The following IDH1 variants were observed in gnomAD, a reference collection of about 807,000 sequenced individuals.
IDH1 encodes isocitrate dehydrogenase [NADP] cytoplasmic.
A neutral mutation model predicts 46.1 loss-of-function variants in IDH1; 33 were observed. That is an observed-to-expected ratio of 0.72 (90% CI 0.54 to 0.96). The LOEUF (loss-of-function observed/expected upper bound fraction) is 0.96. Among genes scored for constraint, IDH1 ranks in the 40% least tolerant of loss-of-function variants. The probability of loss-of-function intolerance (pLI) is 0.00; values close to 1 mark genes in which losing one functional copy is unlikely to be tolerated. For missense variants in IDH1, 421 were observed against 515.7 expected (o/e 0.82, Z 1.78); for synonymous variants, 144 against 172.8 (o/e 0.83, Z 1.31).
intron 7 of IDH1, among the ~76,000 whole-genome samples, chr2:208,241,514 G>A (rs1385168529): frequency 6.6e-6 from 1 of 151,752 alleles, no homozygotes; most frequent in Non-Finnish European, 1.5e-5. Flanking sequence ...TTACAGGCGT[G>A]AGCCACTGTG....
intron 2 of IDH1, 128 bp from the exon 3 acceptor site, chr2:208,251,695 G>GAAT: frequency 2.8e-6 from 2 of 709,994 alleles, no homozygotes; most frequent in Non-Finnish European, 4.7e-6. Context: ...TTCAATTTAT[G>GAAT]TGTAGTTGAA....
chr2:208,251,819 A>G (rs1172231772), intron 2 of IDH1, among the ~76,000 whole-genome samples: 1 of 152,096 alleles, frequency 6.6e-6, no homozygotes, highest in Admixed American at 6.6e-5. Flanking sequence ...TAACAATCCA[A>G]AAAAATGGCC....
Position 208,255,068 on chromosome 2 carries a change from AC to A in IDH1, c.-221del, listed in dbSNP as rs1688189831. ...CGCTTCTGAAGTAGACTCTGCAGAAACCCGGGACCACAGGGTAGGTCCGAGC... is the reference window on the plus strand; with the variant it reads ...CGCTTCTGAAGTAGACTCTGCAGAAACCGGGACCACAGGGTAGGTCCGAGC... On this transcript the variant is annotated 5_prime_UTR_variant, in exon 1 of 10. Coordinates refer to ENST00000345146, the MANE Select transcript of IDH1 (RefSeq NM_005896.4). 6.6e-6 allele frequency: 1 copy of A among 151,840 alleles called. No individual in the cohort carries two copies. The highest frequency in any genetic ancestry group is 2.4e-5 in the African/African-American group (1 of 41,276). The allele number at this position is 151,840 out of a possible 1,614,324, so 9.4% of individuals were successfully genotyped here.
chr2:208,248,748 A>C (rs1228307480), intron 3 of IDH1, 88 bp from the exon 4 acceptor site: 3 of 1,272,786 alleles, frequency 2.4e-6, no homozygotes, highest in Non-Finnish European at 3.4e-6. Context: ...AGAGCTCATT[A>C]TGCAGAAAGC....
chr2:208,243,432 A>G lies in IDH1; in HGVS notation c.693T>C (p.Tyr231=). The G allele has an allele frequency of 6.2e-7, 1 of 1,609,938 alleles. No homozygotes were observed. Among genetic ancestry groups the G allele is most frequent in the Non-Finnish European group, 8.5e-7 (1 of 1,176,350 alleles). Residue 231 remains tyrosine, a synonymous_variant, in exon 6 of 10, where the codon TAT becomes TAC. Transcript: ENST00000345146. ...TAAAAAAGAACTATAGTTACTTGTC[A>G]TATATCTCCTGAAAGATGTCTTTAA... ...GRFKDIFQEI[Y]DKQYKSQFEA...
intron 4 of IDH1, among the ~76,000 whole-genome samples, chr2:208,246,891 C>T (rs1472981460): frequency 6.6e-6 from 1 of 152,084 alleles, no homozygotes; most frequent in African/African-American, 2.4e-5. Flanking sequence ...TGCAGTGAGC[C>T]AAGATCACAC....
At chr2:208,253,829 CTG>C (rs1688165961) in intron 2 of IDH1, 55 bp downstream of exon 2, 1 of 152,226 alleles carries the variant, frequency 6.6e-6, no homozygotes, top group South Asian at 2.1e-4. Context: ...CAGTTAAACA[CTG>C]TACTGCCACA....
In IDH1 at chr2:208,248,515, G is replaced by A. The variant is rs1450522576; in HGVS notation, c.268C>T (p.Gln90Ter). The part of the protein sequence containing the change: ...EKRVEEFKLK[Q>*]MWKSPNGTIR... ...GTGCCATTTGGTGATTTCCACATTT[G>A]TTTCAACTTGAACTCCTCAACCCTC... The change falls in exon 4 of 10, where the codon CAA becomes TAA. Residue 90 changes from glutamine to a stop codon, truncating the protein, a stop_gained. Coordinates refer to ENST00000345146, the MANE Select transcript of IDH1 (RefSeq NM_005896.4). LOFTEE classifies it high-confidence loss of function. The A allele has an allele frequency of 6.2e-7, 1 of 1,614,066 alleles. No individual in the cohort carries two copies. Among genetic ancestry groups the A allele is most frequent in the African/African-American group, 1.3e-5 (1 of 74,998 alleles).
rs1687995534 is a variant in IDH1, at chr2:208,245,329, A to T, written c.510T>A (p.His170Gln). 1 of 1,566,456 alleles carries T rather than the reference A, an allele frequency of 6.4e-7. No individual in the cohort carries two copies. The highest frequency in any genetic ancestry group is 8.8e-7 in the Non-Finnish European group (1 of 1,137,748). The change falls in exon 5 of 10, where the codon CAT becomes CAA. Residue 170 changes from histidine to glutamine, a missense_variant. Physicochemically the swap from His to Gln is conservative, Grantham distance 24 (BLOSUM62 0). Coordinates refer to ENST00000345146, the MANE Select transcript of IDH1 (RefSeq NM_005896.4). ...DGTQKVTYLV[H>Q]NFEEGGGVAM... ...TACAGTCATACATACCTTCAAAGTT[A>T]TGTACCAGGTATGTCACCTTTTGGG...
At position 208,239,245 on chromosome 2, in the gene IDH1, GA is replaced by G. The variant is rs139521409; in HGVS notation, c.992-13del. 1.8e-3 allele frequency: 2,872 copies of G among 1,611,964 alleles called. 46 individuals are homozygous for G. In the African/African-American group the frequency reaches 0.033, roughly 19 times the overall value. On this transcript the variant is annotated splice_polypyrimidine_tract_variant and intron_variant, in intron 8 of 9. Transcript: ENST00000345146. ...GGCAAAAATGGAAGCTAAAAGAGGG[GA>G]AAAAAAACACAACACTCCAATCATC... is the stretch of plus-strand genomic sequence containing the variant.
chr2:208,250,208 A>G (rs1688096942), intron 3 of IDH1, among the ~76,000 whole-genome samples: 1 of 152,162 alleles, frequency 6.6e-6, no homozygotes, highest in Non-Finnish European at 1.5e-5. Context: ...AAAGAGGCTC[A>G]AAGCATCTTT....
chr2:208,238,988 T>A, intron 9 of IDH1, 83 bp downstream of exon 9: 1 of 1,215,174 alleles, frequency 8.2e-7, no homozygotes, highest in Non-Finnish European at 1.2e-6. Flanking sequence ...ACAATTTATA[T>A]AATTCCAGAA....
At chr2:208,243,396 A>C (rs774646429) in intron 6 of IDH1, 31 bp downstream of exon 6, 2 of 1,522,678 alleles carry the variant, frequency 1.3e-6, no homozygotes, top group South Asian at 2.2e-5. Flanking sequence ...ACTTGAGAAT[A>C]AAGAAAAAGT....
rs1045242609 is a variant in IDH1 at position 208,254,990 on chromosome 2, G to A, written c.-142C>T. 1 of 152,674 alleles carries A rather than the reference G, an allele frequency of 6.5e-6. No homozygotes were observed. The highest frequency in any genetic ancestry group is 2.4e-5 in the African/African-American group (1 of 41,596). 9.5% of individuals were successfully genotyped at this position (152,674 alleles called of 1,614,324 possible). ...GTTGGGGCGCCACAGCCGCTCACAA[G>A]CTCAGACTCACAACCACAGCCTGGC... On this transcript the variant is annotated 5_prime_UTR_variant, in exon 1 of 10. Transcript: ENST00000345146.
At chr2:208,237,614 A>G (rs1424599556) in intron 9 of IDH1, among the ~76,000 whole-genome samples, 3 of 152,142 alleles carry the variant, frequency 2.0e-5, no homozygotes, top group African/African-American at 7.2e-5. Context: ...TATTTCTATC[A>G]GTGTCTTAAG....
intron 9 of IDH1, among the ~76,000 whole-genome samples, chr2:208,237,532 C>T (rs1392704360): frequency 6.6e-6 from 1 of 152,156 alleles, no homozygotes; most frequent in Non-Finnish European, 1.5e-5. Flanking sequence ...AAAACTTATT[C>T]AGGGCATAGC....
intron 5 of IDH1, 37 bp downstream of exon 5, chr2:208,245,282 T>TAA (rs144573553): frequency 1.4e-4 from 133 of 921,032 alleles, no homozygotes; most frequent in Middle Eastern, 3.5e-4. Flanking sequence ...ATCATTTGTT[T>TAA]AAAAAAAAAA....
At chr2:208,237,576 A>C (rs1264554924) in intron 9 of IDH1, among the ~76,000 whole-genome samples, 2 of 152,110 alleles carry the variant, frequency 1.3e-5, no homozygotes, top group Non-Finnish European at 2.9e-5. Context: ...AAACCGTTAC[A>C]TGTCCTTAAA....
In IDH1 at chr2:208,243,122, G is replaced by T. The variant is rs529001613; in HGVS notation, c.698+305C>A. 3.3e-5 allele frequency among the ~76,000 whole-genome samples: 5 copies of T among 152,296 alleles called. 1 individual carries two copies. The highest frequency in any genetic ancestry group is 1.2e-4 in the African/African-American group (5 of 41,558). The stretch of plus-strand genomic sequence containing the variant: ...AAAGAATGGAAATGGGTCTGACTTA[G>T]AAACTCACACATGAAAAATTAGAAC... On this transcript the variant is annotated intron_variant, in intron 6 of 9. Transcript: ENST00000345146.
Sources: allele counts gnomAD v4.1 joint callset (sites outside exome capture counted in the v4.1 genomes callset), GRCh38; gene constraint gnomAD v4.1.1; transcripts MANE v1.5; gene names NCBI Gene and HGNC (gene_info 2026-07-23, HGNC 2026-07-21).